The following SCGN variants were observed in gnomAD, a reference collection of about 807,000 sequenced individuals.
SCGN encodes secretagogin, EF-hand calcium binding protein.
A neutral mutation model predicts 39.7 loss-of-function variants in SCGN; 30 were observed. The ratio of observed to expected loss-of-function variants is 0.76; its 90% CI spans 0.57 to 1.03. The LOEUF is 1.03. SCGN is among the 50% of genes least tolerant of loss of function. The pLI is 0.00. For missense variants in SCGN, 353 were observed against 349.4 expected, an observed-to-expected ratio of 1.01 and a Z score of -0.08; for synonymous variants, 106 against 114.1, an observed-to-expected ratio of 0.93 and a Z score of 0.45.
chr6:25,664,913 C>T, intron 3 of SCGN, 30 bp from the exon 4 acceptor site: 1 of 1,562,558 alleles, frequency 6.4e-7, no homozygotes. Flanking sequence ...TGGCCAGTGT[C>T]CCTGACTGTT....
At chr6:25,698,718 G>A (rs1037748284) in intron 10 of SCGN, among the ~76,000 whole-genome samples, 4 of 152,176 alleles carry the variant, frequency 2.6e-5, no homozygotes, top group Non-Finnish European at 5.9e-5. Flanking sequence ...GAGTTACATT[G>A]TGGCCTCAGA....
chr6:25,692,454 C>T (rs1035546591), intron 10 of SCGN, among the ~76,000 whole-genome samples: 3 of 152,194 alleles, frequency 2.0e-5, no homozygotes, highest in Admixed American at 2.0e-4. Context: ...GCACTCTACC[C>T]CACCACCCCC....
intron 6 of SCGN, among the ~76,000 whole-genome samples, chr6:25,673,040 G>C (rs1379642321): frequency 1.3e-5 from 2 of 152,086 alleles, no homozygotes; most frequent in African/African-American, 4.8e-5. Context: ...GACCTGACAA[G>C]TAGTAGCCTA....
intron 6 of SCGN, among the ~76,000 whole-genome samples, chr6:25,679,936 G>A (rs189398134): frequency 8.1e-4 from 124 of 152,310 alleles, no homozygotes; most frequent in Middle Eastern, 3.4e-3. Flanking sequence ...ATAGAGCTAA[G>A]AGCCTGGTTT....
In SCGN at chr6:25,652,309, A is replaced by G; in HGVS notation, c.-95A>G. The G allele has an allele frequency of 1.1e-6, 1 of 948,658 alleles. No homozygotes were observed. Among genetic ancestry groups the G allele is most frequent in the South Asian group, 1.4e-5 (1 of 72,744 alleles). 58.8% of individuals were successfully genotyped at this position (948,658 alleles called of 1,614,324 possible). A position where few individuals can be genotyped will look rare whatever the true frequency, so the allele number is the denominator to read the frequency against. On this transcript the variant is annotated 5_prime_UTR_variant, in exon 1 of 11. Transcript: ENST00000377961. ...CTCAAAGCTAATCAGATAGCGAAAGAAGCAGGAGAGCAAGTCAAGAAATAC... is the reference window on the plus strand; with the variant it reads ...CTCAAAGCTAATCAGATAGCGAAAGGAGCAGGAGAGCAAGTCAAGAAATAC...
At chr6:25,675,262 G>A (rs1052112806) in intron 6 of SCGN, among the ~76,000 whole-genome samples, 2 of 152,204 alleles carry the variant, frequency 1.3e-5, no homozygotes, top group African/African-American at 2.4e-5. Flanking sequence ...CAAGAATTCT[G>A]TTTTATCTAA....
At chr6:25,666,191 A>T (rs1213901442) in intron 4 of SCGN, among the ~76,000 whole-genome samples, 1 of 151,364 alleles carries the variant, frequency 6.6e-6, no homozygotes. Flanking sequence ...AAAAAAAAAA[A>T]AAAAAAATAC....
intron 6 of SCGN, 92 bp downstream of exon 6, chr6:25,670,168 G>A (rs1759476329): frequency 1.1e-6 from 1 of 910,314 alleles, no homozygotes; most frequent in Non-Finnish European, 1.8e-6. Context: ...GTTCGTCCTT[G>A]AGAAATTGAA....
At chr6:25,670,937 G>C (rs1390487277) in intron 6 of SCGN, among the ~76,000 whole-genome samples, 2 of 152,186 alleles carry the variant, frequency 1.3e-5, no homozygotes, top group African/African-American at 2.4e-5. Flanking sequence ...CTACGTGAGT[G>C]CTTCATTCCT....
At chr6:25,658,003 C>CTTTTTTTTTTTTTTTTT (rs759915721) in intron 2 of SCGN, among the ~76,000 whole-genome samples, 4 of 70,382 alleles carry the variant, frequency 5.7e-5, no homozygotes, top group Non-Finnish European at 1.1e-4. Flanking sequence ...GAAAGGTATC[C>CTTTTTTTTTTTTTTTTT]TTTTTTTTTT....
At chr6:25,694,185 A>C (rs1255479018) in intron 10 of SCGN, among the ~76,000 whole-genome samples, 1 of 152,216 alleles carries the variant, frequency 6.6e-6, no homozygotes, top group Non-Finnish European at 1.5e-5. Flanking sequence ...TATAACCAGT[A>C]ATTTTGCTGG....
chr6:25,653,311 C>A, intron 1 of SCGN, 71 bp from the exon 2 acceptor site: 2 of 1,086,798 alleles, frequency 1.8e-6, no homozygotes, highest in South Asian at 1.4e-5. Context: ...AGATTAAAAA[C>A]ATATTTAGAT....
In SCGN at chr6:25,664,992, G is replaced by T; in HGVS notation, c.296G>T (p.Arg99Leu). 6.2e-7 allele frequency: 1 copy of T among 1,613,848 alleles called. No homozygotes were observed. Among genetic ancestry groups the T allele is most frequent in the South Asian group, 1.1e-5 (1 of 91,060 alleles). The change falls in exon 4 of 11, where the codon CGC becomes CTC. Residue 99 changes from arginine (R) to leucine (L), a missense_variant. Transcript: ENST00000377961. ...SEDENFLLLF[R>L]RENPLDSSVE... ...GATGAAAACTTTCTTCTGCTCTTTC[G>T]CCGGGAAAACCCACTGGACAGCAGC...
chr6:25,660,268 A>T (rs1760314707), intron 2 of SCGN, among the ~76,000 whole-genome samples: 1 of 152,112 alleles, frequency 6.6e-6, no homozygotes. Flanking sequence ...CCCCACCACA[A>T]TTCTCTTTCC....
At chr6:25,665,559 C>A (rs933443133) in intron 4 of SCGN, among the ~76,000 whole-genome samples, 3 of 152,178 alleles carry the variant, frequency 2.0e-5, no homozygotes, top group Non-Finnish European at 4.4e-5. Context: ...GTATCAATGG[C>A]CTCTCTTACC....
chr6:25,701,138 C>T (rs1759906353), intron 10 of SCGN, 69 bp from the exon 11 acceptor site: 1 of 1,533,132 alleles, frequency 6.5e-7, no homozygotes, highest in African/African-American at 1.4e-5. Flanking sequence ...TAGGGAGCAT[C>T]AGAGAGGGTG....
chr6:25,688,811 A>G (rs1407645093), intron 7 of SCGN, among the ~76,000 whole-genome samples: 1 of 151,824 alleles, frequency 6.6e-6, no homozygotes, highest in Non-Finnish European at 1.5e-5. Flanking sequence ...CAAAAAAAAA[A>G]AAAAGATTTT....
chr6:25,701,126 C>A, intron 10 of SCGN, 81 bp from the exon 11 acceptor site: 1 of 1,501,748 alleles, frequency 6.7e-7, no homozygotes, highest in Non-Finnish European at 9.0e-7. Context: ...ACACCCTAAG[C>A]TTAGGGAGCA....
intron 4 of SCGN, among the ~76,000 whole-genome samples, chr6:25,666,350 G>A (rs1206021236): frequency 6.6e-6 from 1 of 151,652 alleles, no homozygotes; most frequent in Non-Finnish European, 1.5e-5. Context: ...AGGGAAACTC[G>A]GTCTCAAAAA....
Sources: gnomAD v4.1 joint callset for allele counts (sites outside exome capture counted in the v4.1 genomes callset) on GRCh38, gnomAD v4.1.1 for gene constraint, MANE v1.5 for transcripts, NCBI Gene and HGNC (gene_info 2026-07-23, HGNC 2026-07-21) for gene names.